Variants in SLC2A14 observed in about 807,000 individuals in gnomAD.
SLC2A14 encodes solute carrier family 2, facilitated glucose transporter member 14.
A neutral mutation model predicts 43.0 loss-of-function variants in SLC2A14; 13 were observed. The observed-to-expected ratio is 0.30, with a 90% CI of 0.20 to 0.48. The LOEUF (loss-of-function observed/expected upper bound fraction) is 0.48. SLC2A14 is among the 20% of genes least tolerant of loss of function. The probability of loss-of-function intolerance (pLI) is 0.99; values close to 1 mark genes in which losing one functional copy is unlikely to be tolerated. For missense variants in SLC2A14, 428 were observed against 620.4 expected (o/e 0.69, Z 3.29); for synonymous variants, 190 against 233.8 (o/e 0.81, Z 1.71).
At position 7,817,833 on chromosome 12, in the gene SLC2A14, C is replaced by T. The variant is rs762677413; in HGVS notation, c.1273G>A (p.Ala425Thr). ...FLVGLLFPSAAYYLGAYVFII... is the reference protein window; with the variant it reads ...FLVGLLFPSATYYLGAYVFII... ...ATAGATAAGGTGAGTTTACTTACAGCAGCAGAGGGGAAGAGCAATCCGACT... is the reference window on the plus strand; with the variant it reads ...ATAGATAAGGTGAGTTTACTTACAGTAGCAGAGGGGAAGAGCAATCCGACT... The change falls in exon 10 of 11, where the codon GCT becomes ACT. Residue 425 changes from alanine to threonine, a missense_variant and splice_region_variant. Physicochemically the swap from Ala to Thr is moderately conservative, Grantham distance 58. Coordinates refer to ENST00000431042, the MANE Select transcript of SLC2A14 (RefSeq NM_001286234.2). 1 of 1,613,308 alleles carries T rather than the reference C, an allele frequency of 6.2e-7. No homozygotes were observed. Among genetic ancestry groups the T allele is most frequent in the East Asian group, 2.2e-5 (1 of 44,868 alleles).
intron 1 of SLC2A14, among the ~76,000 whole-genome samples, chr12:7,880,461 C>T (rs1945547206): frequency 1.6e-5 from 2 of 128,386 alleles, no homozygotes; most frequent in Admixed American, 8.5e-5. Flanking sequence ...GGCAACAAAG[C>T]AAGACTCTTG....
chr12:7,847,623 G>C (rs937956424), intron 2 of SLC2A14, among the ~76,000 whole-genome samples: 1 of 152,036 alleles, frequency 6.6e-6, no homozygotes, highest in African/African-American at 2.4e-5. Flanking sequence ...CTCTGTTCTA[G>C]GACTCAATCC....
intron 2 of SLC2A14, among the ~76,000 whole-genome samples, chr12:7,838,072 T>C (rs1445906602): frequency 7.0e-6 from 1 of 143,826 alleles, no homozygotes; most frequent in African/African-American, 2.6e-5. Context: ...TTTTTTGTTG[T>C]TGTTATGTGT....
intron 2 of SLC2A14, among the ~76,000 whole-genome samples, chr12:7,846,957 A>C (rs1565543099): frequency 6.6e-6 from 1 of 151,542 alleles, no homozygotes; most frequent in Non-Finnish European, 1.5e-5. Flanking sequence ...TTTTAAAAGA[A>C]AATATACCTG....
chr12:7,826,869 C>CTTTCTT (rs1555121679), intron 7 of SLC2A14, among the ~76,000 whole-genome samples: 4 of 34,000 alleles, frequency 1.2e-4, no homozygotes, highest in East Asian at 1.5e-3. Context: ...TTTTTTCTTT[C>CTTTCTT]TTTCTTTCTT....
intron 8 of SLC2A14, 97 bp downstream of exon 8, chr12:7,821,124 G>T (rs1417792088): frequency 1.1e-6 from 1 of 884,458 alleles, no homozygotes; most frequent in Non-Finnish European, 1.8e-6. Context: ...AACAAAAAAG[G>T]TGTAACTAAA....
intron 2 of SLC2A14, among the ~76,000 whole-genome samples, chr12:7,868,220 C>T (rs751953563): frequency 3.2e-4 from 49 of 152,302 alleles, no homozygotes; most frequent in African/African-American, 1.1e-3. Context: ...AAGATTATGA[C>T]ATGCTGAAGG....
At chr12:7,864,036 T>C (rs953833392) in intron 2 of SLC2A14, among the ~76,000 whole-genome samples, 1 of 151,884 alleles carries the variant, frequency 6.6e-6, no homozygotes, top group African/African-American at 2.4e-5. Flanking sequence ...CAGGATGGTC[T>C]TGATCTCCTA....
upstream of SLC2A14, among the ~76,000 whole-genome samples, chr12:7,875,135 T>TTAAATATATATTTAAAATTAAATATATA (rs1555148992): frequency 6.0e-4 from 66 of 109,422 alleles, no homozygotes; most frequent in African/African-American, 2.4e-3. Flanking sequence ...TTAAATATAT[T>TTAAATATATATTTAAAATTAAATATATA]TAAATATTAT....
chr12:7,826,925 TCTTTC>T (rs71451917), intron 7 of SLC2A14, among the ~76,000 whole-genome samples: 12,227 of 96,824 alleles, frequency 0.13, 2,691 homozygotes, highest in Middle Eastern at 0.22. Context: ...TTTTCCTTTT[TCTTTC>T]CTTTCCTTTC....
chr12:7,827,792 T>A lies in SLC2A14; in HGVS notation c.677-110A>T, dbSNP rs111260523. 45 of 1,517,702 alleles carry A rather than the reference T, an allele frequency of 3.0e-5. 1 individual carries two copies. In the African/African-American group the frequency reaches 4.6e-4, roughly 15 times the overall value. The allele number at this position is 1,517,702 out of a possible 1,614,324, so 94.0% of individuals were successfully genotyped here. On this transcript the variant is annotated intron_variant, in intron 6 of 10. Transcript: ENST00000431042. ...GCACGAGGTGAGGTGATGGGTAGCA[T>A]CCATTCCTGAACCTGCCCTCTCACC...
chr12:7,883,202 T>G (rs181729262), intron 1 of SLC2A14, among the ~76,000 whole-genome samples: 248 of 150,794 alleles, frequency 1.6e-3, no homozygotes, highest in African/African-American at 5.9e-3. Flanking sequence ...AAAGCAAGTC[T>G]CAGTCTCAAA....
Position 7,872,834 on chromosome 12 carries a change from C to T in SLC2A14, c.-85G>A. 14 of 985,548 alleles carry T rather than the reference C, an allele frequency of 1.4e-5. No individual in the cohort carries two copies. The highest frequency in any genetic ancestry group is 1.6e-5 in the Non-Finnish European group (13 of 830,042). The allele number at this position is 985,548 out of a possible 1,614,324, so 61.1% of individuals were successfully genotyped here. A position where few individuals can be genotyped will look rare whatever the true frequency, so the allele number is the denominator to read the frequency against. On this transcript the variant is annotated 5_prime_UTR_variant, in exon 1 of 11. Transcript: ENST00000431042. ...CCCAGACCCCGCGACTGCGGTTGGG[C>T]CCCGCGGCTTCGCTCAACCACGCAC...
intron 1 of SLC2A14, among the ~76,000 whole-genome samples, chr12:7,883,619 G>C (rs1441196652): frequency 9.4e-6 from 1 of 106,534 alleles, no homozygotes; most frequent in Non-Finnish European, 1.8e-5. Flanking sequence ...TTTTTGAGAC[G>C]GGGTCTCTCT....
chr12:7,854,554 C>A (rs762119588), intron 2 of SLC2A14, among the ~76,000 whole-genome samples: 80 of 152,080 alleles, frequency 5.3e-4, no homozygotes, highest in African/African-American at 1.8e-3. Context: ...CAATGGCCCA[C>A]GAGTGCAATG....
chr12:7,847,626 C>T (rs1048301366), intron 2 of SLC2A14, among the ~76,000 whole-genome samples: 2 of 152,110 alleles, frequency 1.3e-5, no homozygotes, highest in Non-Finnish European at 1.5e-5. Flanking sequence ...TGTTCTAGGA[C>T]TCAATCCAAA....
At chr12:7,875,218 T>C (rs1293406983), upstream of SLC2A14, among the ~76,000 whole-genome samples, 1 of 113,150 alleles carries the variant, frequency 8.8e-6, no homozygotes, top group Non-Finnish European at 1.8e-5. Context: ...TATTTATATA[T>C]TTATATATGT....
intron 2 of SLC2A14, among the ~76,000 whole-genome samples, chr12:7,842,013 A>AT (rs922431113): frequency 2.0e-4 from 31 of 151,702 alleles, no homozygotes; most frequent in African/African-American, 7.5e-4. Context: ...CTCAAAAGAA[A>AT]AAAAAAAAAA....
At chr12:7,867,656 C>T (rs1309548579) in intron 2 of SLC2A14, among the ~76,000 whole-genome samples, 1 of 151,810 alleles carries the variant, frequency 6.6e-6, no homozygotes, top group Non-Finnish European at 1.5e-5. Flanking sequence ...ACCAGCCTGG[C>T]CAATATGGTG....
Sources: gnomAD v4.1 joint callset for allele counts (sites outside exome capture counted in the v4.1 genomes callset) on GRCh38, gnomAD v4.1.1 for gene constraint, MANE v1.5 for transcripts, NCBI Gene and HGNC (gene_info 2026-07-23, HGNC 2026-07-21) for gene names.